Variants in TNIK observed in about 807,000 individuals in gnomAD.
TNIK encodes the protein TRAF2 and NCK-interacting protein kinase.
In TNIK, 49 loss-of-function variants were observed where a neutral mutation model predicts 191.3. The ratio of observed to expected loss-of-function variants is 0.26; its 90% CI spans 0.20 to 0.32. The LOEUF (loss-of-function observed/expected upper bound fraction) is 0.32. TNIK is among the 10% of genes least tolerant of loss of function. The pLI is 1.00. For missense variants in TNIK, 1,155 were observed against 1,702.3 expected (o/e 0.68, Z 5.66); for synonymous variants, 594 against 600.9 (o/e 0.99, Z 0.17).
chr3:171,422,982 C>T (rs1012151276), intron 1 of TNIK, among the ~76,000 whole-genome samples: 2 of 152,162 alleles, frequency 1.3e-5, no homozygotes, highest in African/African-American at 4.8e-5. Context: ...CTTTTTTTAA[C>T]TACCTTCCAT....
At chr3:171,069,377 G>A (rs1718894941) in intron 29 of TNIK, among the ~76,000 whole-genome samples, 1 of 152,168 alleles carries the variant, frequency 6.6e-6, no homozygotes, top group Non-Finnish European at 1.5e-5. Flanking sequence ...GTGGCAACCA[G>A]GCCCATCCAC....
chr3:171,113,506 T>A (rs1726184017), intron 18 of TNIK, among the ~76,000 whole-genome samples: 1 of 151,612 alleles, frequency 6.6e-6, no homozygotes, highest in African/African-American at 2.4e-5. Flanking sequence ...GTTGAGAGGC[T>A]GAGGCAGGAG....
At position 171,384,041 on chromosome 3, in the gene TNIK, G is replaced by A. The variant is rs570961177; in HGVS notation, c.58-14356C>T. 3.9e-5 allele frequency among the ~76,000 whole-genome samples: 6 copies of A among 152,240 alleles called. No individual in the cohort carries two copies. The East Asian group carries it at 9.7e-4, about 25-fold the overall frequency. Reference sequence around the variant, plus strand: ...CCCAGAAGATGTTCTGTACACTCCCGCATTCTGTGTCCTTGTTCCCTTTTT... The same window carrying A: ...CCCAGAAGATGTTCTGTACACTCCCACATTCTGTGTCCTTGTTCCCTTTTT... On this transcript the variant is annotated intron_variant, in intron 1 of 32. Transcript: ENST00000436636.
At chr3:171,171,592 C>T (rs1187709115) in intron 9 of TNIK, among the ~76,000 whole-genome samples, 1 of 152,164 alleles carries the variant, frequency 6.6e-6, no homozygotes, top group Non-Finnish European at 1.5e-5. Flanking sequence ...CCTGTGTGGG[C>T]TCTTCAAATT....
At chr3:171,071,493 G>T in intron 28 of TNIK, 170 bp from the exon 29 acceptor site, 1 of 592,524 alleles carries the variant, frequency 1.7e-6, no homozygotes, top group Non-Finnish European at 2.9e-6. Flanking sequence ...TACTGATTTA[G>T]CTTCCCTTAG....
rs182143822 is a variant in TNIK at position 171,157,445 on chromosome 3, C to T, written c.1221+15G>A. ...GAGAGGCTTGGGGTCAGAGGTGGCC[C>T]GAGCAGGTCCTCACCTCCTCCAGCC... On this transcript the variant is annotated intron_variant, in intron 12 of 32. Coordinates refer to ENST00000436636, the MANE Select transcript of TNIK (RefSeq NM_015028.4). 15 of 1,553,724 alleles carry T rather than the reference C, an allele frequency of 9.7e-6. No individual in the cohort carries two copies. The highest frequency in any genetic ancestry group is 2.7e-5 in the African/African-American group (2 of 73,218).
intron 2 of TNIK, among the ~76,000 whole-genome samples, chr3:171,322,236 G>A (rs1056536093): frequency 6.6e-6 from 1 of 152,064 alleles, no homozygotes; most frequent in Non-Finnish European, 1.5e-5. Flanking sequence ...CAGATTTTTT[G>A]TAGATTCACA....
intron 1 of TNIK, among the ~76,000 whole-genome samples, chr3:171,415,839 G>T (rs1029300508): frequency 6.6e-6 from 1 of 151,596 alleles, no homozygotes; most frequent in Non-Finnish European, 1.5e-5. Context: ...AAATTAGCCA[G>T]GCGTGGTGGC....
In TNIK at chr3:171,201,955, T is replaced by G. The variant is rs142057549; in HGVS notation, c.307-7320A>C. On this transcript the variant is annotated intron_variant, in intron 4 of 32. Coordinates refer to ENST00000436636, the MANE Select transcript of TNIK (RefSeq NM_015028.4). Reference sequence around the variant, plus strand: ...TAGACTTTGTAATAAAGCTTCTGGATAGTGAACAACTCTCTACCTTGAACA... The same window carrying G: ...TAGACTTTGTAATAAAGCTTCTGGAGAGTGAACAACTCTCTACCTTGAACA... Among the ~76,000 whole-genome samples, 533 of 152,272 alleles carry G rather than the reference T, an allele frequency of 3.5e-3. 11 individuals carry two copies. The highest frequency in any genetic ancestry group is 0.029 in the Admixed American group (438 of 15,302).
intron 2 of TNIK, among the ~76,000 whole-genome samples, chr3:171,322,399 C>T (rs1013100640): frequency 2.0e-5 from 3 of 151,952 alleles, no homozygotes; most frequent in African/African-American, 7.2e-5. Flanking sequence ...CAATATCTCC[C>T]CTGCTTCAAA....
At chr3:171,156,184 A>C (rs1733151402) in intron 12 of TNIK, among the ~76,000 whole-genome samples, 1 of 152,248 alleles carries the variant, frequency 6.6e-6, no homozygotes. Flanking sequence ...CCTGCCTGGT[A>C]CTTGACATTA....
At chr3:171,182,789 A>C (rs979132608) in intron 7 of TNIK, among the ~76,000 whole-genome samples, 1 of 152,174 alleles carries the variant, frequency 6.6e-6, no homozygotes, top group Admixed American at 6.5e-5. Context: ...GCCACAGAAG[A>C]ATGAGAGGCT....
intron 2 of TNIK, among the ~76,000 whole-genome samples, chr3:171,333,541 T>C (rs185861342): frequency 2.2e-5 from 3 of 135,242 alleles, no homozygotes. Flanking sequence ...ACCACTGCAC[T>C]CCAACCTGGG....
intron 32 of TNIK, among the ~76,000 whole-genome samples, chr3:171,065,141 G>A (rs938139576): frequency 3.3e-5 from 5 of 152,170 alleles, no homozygotes; most frequent in African/African-American, 7.2e-5. Context: ...GTTTTCAATC[G>A]GAATGTGGGT....
intron 2 of TNIK, among the ~76,000 whole-genome samples, chr3:171,241,020 CT>C (rs1048729828): frequency 3.6e-4 from 52 of 146,056 alleles, no homozygotes; most frequent in South Asian, 2.8e-3. Flanking sequence ...CCTTCTGTTT[CT>C]TTTTTTTTCT....
intron 21 of TNIK, among the ~76,000 whole-genome samples, chr3:171,104,057 AAAT>A (rs1331754678): frequency 2.0e-5 from 3 of 149,618 alleles, no homozygotes; most frequent in Non-Finnish European, 2.9e-5. Flanking sequence ...GAAACATTAG[AAAT>A]AACAATTAAA....
intron 25 of TNIK, 76 bp downstream of exon 25, chr3:171,085,042 G>C: frequency 8.3e-7 from 1 of 1,199,148 alleles, no homozygotes; most frequent in Non-Finnish European, 1.2e-6. Context: ...ACTGAACTGA[G>C]GATTAATTTC....
intron 2 of TNIK, among the ~76,000 whole-genome samples, chr3:171,279,352 A>G (rs1436316711): frequency 2.6e-5 from 4 of 152,158 alleles, no homozygotes; most frequent in African/African-American, 9.7e-5. Flanking sequence ...TATATTTTTA[A>G]TATCTTCATT....
At chr3:171,288,308 T>G (rs925735907) in intron 2 of TNIK, among the ~76,000 whole-genome samples, 3 of 149,344 alleles carry the variant, frequency 2.0e-5, no homozygotes, top group Admixed American at 6.7e-5. Flanking sequence ...CCCTAAAACT[T>G]AAAGTATAAT....
Sources: gnomAD v4.1 joint callset for allele counts (sites outside exome capture counted in the v4.1 genomes callset) on GRCh38, gnomAD v4.1.1 for gene constraint, MANE v1.5 for transcripts, NCBI Gene and HGNC (gene_info 2026-07-23, HGNC 2026-07-21) for gene names.